Variants in EPHA6 observed in about 807,000 individuals in gnomAD.
EPHA6 encodes ephrin type-A receptor 6.
EPHA6 carries 50 observed loss-of-function variants against 112.0 expected under a neutral mutation model. The ratio of observed to expected loss-of-function variants is 0.45; its 90% confidence interval spans 0.36 to 0.56. EPHA6 has a LOEUF of 0.56. Ranked by LOEUF, EPHA6 falls within the 20% of genes least tolerant of loss-of-function variation. The pLI, the probability that EPHA6 is intolerant of heterozygous loss-of-function variation, is 0.00. For missense variants in EPHA6, 1,280 were observed against 1,417.4 expected, an observed-to-expected ratio of 0.90 and a Z score of 1.56; for synonymous variants, 529 against 490.7, an observed-to-expected ratio of 1.08 and a Z score of -1.03.
intron 10 of EPHA6, among the ~76,000 whole-genome samples, chr3:97,505,125 C>T (rs2092214665): frequency 6.6e-6 from 1 of 152,130 alleles, no homozygotes; most frequent in Non-Finnish European, 1.5e-5. Context: ...AGGGCGTAGA[C>T]TTGCTAAATC....
chr3:97,428,391 C>A lies in EPHA6; in HGVS notation c.1732-20177C>A, dbSNP rs551904871. On this transcript the variant is annotated intron_variant, in intron 6 of 17. Coordinates refer to ENST00000389672, the MANE Select transcript of EPHA6 (RefSeq NM_001080448.3). ...ACTATTAAATTACTATATTAATGTACAATATTGCTTATGATATTTCAGAAT... is the reference window on the plus strand; with the variant it reads ...ACTATTAAATTACTATATTAATGTAAAATATTGCTTATGATATTTCAGAAT... Among the ~76,000 whole-genome samples the A allele has an allele frequency of 2.0e-5, 3 of 152,096 alleles. No homozygotes were observed. The South Asian group carries it at 6.2e-4, about 32-fold the overall frequency.
chr3:97,011,683 T>G (rs2044090328), intron 3 of EPHA6, among the ~76,000 whole-genome samples: 1 of 152,210 alleles, frequency 6.6e-6, no homozygotes, highest in Non-Finnish European at 1.5e-5. Context: ...GGGATATGTT[T>G]ACATGCTGGT....
chr3:97,160,324 T>G (rs2076383593), intron 3 of EPHA6, among the ~76,000 whole-genome samples: 1 of 152,162 alleles, frequency 6.6e-6, no homozygotes, highest in African/African-American at 2.4e-5. Context: ...TGTCACCCAG[T>G]GCAGTGCAGC....
intron 2 of EPHA6, among the ~76,000 whole-genome samples, chr3:96,971,620 G>A (rs1443297043): frequency 6.6e-6 from 1 of 152,040 alleles, no homozygotes; most frequent in Non-Finnish European, 1.5e-5. Context: ...TGTAATATTA[G>A]AATAAGAAGA....
intron 6 of EPHA6, among the ~76,000 whole-genome samples, chr3:97,423,372 A>G (rs930482538): frequency 6.6e-6 from 1 of 152,204 alleles, no homozygotes; most frequent in African/African-American, 2.4e-5. Flanking sequence ...CCAAGATGAG[A>G]GTCAAATCAA....
chr3:96,881,204 CT>C, intron 2 of EPHA6, among the ~76,000 whole-genome samples: 1 of 152,060 alleles, frequency 6.6e-6, no homozygotes, highest in East Asian at 1.9e-4. Context: ...TTTGGTTATT[CT>C]TTTTTTAATG....
At chr3:97,588,911 A>G (rs1291346241) in intron 11 of EPHA6, among the ~76,000 whole-genome samples, 3 of 152,202 alleles carry the variant, frequency 2.0e-5, no homozygotes, top group African/African-American at 7.2e-5. Context: ...AGATTAAGGA[A>G]TACATGTGCG....
chr3:96,987,327 C>G lies in EPHA6; in HGVS notation c.451-3C>G. On this transcript the variant is annotated splice_polypyrimidine_tract_variant and splice_region_variant and intron_variant, in intron 2 of 17. Coordinates refer to ENST00000389672, the MANE Select transcript of EPHA6 (RefSeq NM_001080448.3). ...ACTTAATTACTTTTTTCCCTTTTTG[C>G]AGTGGGATGCCATCACTGAAATGGA... The G allele has an allele frequency of 6.4e-7, 1 of 1,568,614 alleles. No homozygotes were observed. Among genetic ancestry groups the G allele is most frequent in the Admixed American group, 1.9e-5 (1 of 54,034 alleles).
chr3:97,706,580 G>T (rs773903455), intron 14 of EPHA6, among the ~76,000 whole-genome samples: 1 of 152,154 alleles, frequency 6.6e-6, no homozygotes, highest in Admixed American at 6.5e-5. Flanking sequence ...CAGACAACTT[G>T]CAATTTCTTG....
chr3:97,049,449 G>C (rs1358136131), intron 3 of EPHA6, among the ~76,000 whole-genome samples: 1 of 152,198 alleles, frequency 6.6e-6, no homozygotes, highest in Non-Finnish European at 1.5e-5. Flanking sequence ...TTGTGGTAAA[G>C]ATAATGATGC....
At chr3:97,011,334 G>A (rs534220042) in intron 3 of EPHA6, among the ~76,000 whole-genome samples, 10 of 152,278 alleles carry the variant, frequency 6.6e-5, no homozygotes, top group Non-Finnish European at 1.5e-4. Context: ...GGTCAGGTTA[G>A]GGATTAACTG....
chr3:97,638,313 C>T (rs2093968749), intron 14 of EPHA6, among the ~76,000 whole-genome samples: 2 of 152,070 alleles, frequency 1.3e-5, no homozygotes, highest in Non-Finnish European at 2.9e-5. Context: ...CTTTCATTGT[C>T]CTGGGACTTT....
chr3:96,834,976 A>C (rs2107294523), intron 1 of EPHA6, among the ~76,000 whole-genome samples: 1 of 152,204 alleles, frequency 6.6e-6, no homozygotes, highest in Non-Finnish European at 1.5e-5. Flanking sequence ...ACCATGTTTT[A>C]AGCAATTTAG....
chr3:97,075,969 A>C (rs191403235), intron 3 of EPHA6, among the ~76,000 whole-genome samples: 5 of 152,104 alleles, frequency 3.3e-5, no homozygotes, highest in Non-Finnish European at 7.4e-5. Context: ...TCTACCATCT[A>C]TCTGGCTGTT....
intron 3 of EPHA6, among the ~76,000 whole-genome samples, chr3:97,037,482 G>T (rs35298130): frequency 6.6e-6 from 1 of 152,132 alleles, no homozygotes. Flanking sequence ...ATTTGCAAGA[G>T]AATACTGATG....
chr3:97,275,146 T>G (rs1435148030), intron 5 of EPHA6, among the ~76,000 whole-genome samples: 1 of 152,134 alleles, frequency 6.6e-6, no homozygotes, highest in Admixed American at 6.5e-5. Context: ...CCGGCTCCTG[T>G]GTAAGAATTC....
chr3:96,941,230 A>G (rs556504025), intron 2 of EPHA6, among the ~76,000 whole-genome samples: 2 of 152,102 alleles, frequency 1.3e-5, no homozygotes, highest in Non-Finnish European at 2.9e-5. Context: ...TCACTTTCAG[A>G]TACACCAATC....
At chr3:97,252,618 G>A (rs2079175325) in intron 5 of EPHA6, among the ~76,000 whole-genome samples, 1 of 152,088 alleles carries the variant, frequency 6.6e-6, no homozygotes, top group Non-Finnish European at 1.5e-5. Flanking sequence ...CACAGGGCAG[G>A]GATAGGGATT....
At chr3:97,681,535 G>T (rs1376610077) in intron 14 of EPHA6, among the ~76,000 whole-genome samples, 2 of 152,018 alleles carry the variant, frequency 1.3e-5, no homozygotes, top group Non-Finnish European at 2.9e-5. Context: ...TAAGGACAGT[G>T]CAGGCTTCAG....
Sources: gnomAD v4.1 joint callset for allele counts (sites outside exome capture counted in the v4.1 genomes callset) on GRCh38, gnomAD v4.1.1 for gene constraint, MANE v1.5 for transcripts, NCBI Gene and HGNC (gene_info 2026-07-23, HGNC 2026-07-21) for gene names.